The following MGMT variants were observed in gnomAD, a reference collection of about 807,000 sequenced individuals.
MGMT encodes the protein O-6-methylguanine-DNA methyltransferase, also known as methylated-DNA--protein-cysteine methyltransferase.
MGMT carries 14 observed loss-of-function variants against 15.9 expected under a neutral mutation model. The ratio of observed to expected loss-of-function variants is 0.88; its 90% CI spans 0.58 to 1.37. MGMT has a LOEUF of 1.37. Ranked by LOEUF, MGMT falls within the 40% of genes most tolerant of loss-of-function variation. The probability of loss-of-function intolerance (pLI) is 0.00; values close to 1 mark genes in which losing one functional copy is unlikely to be tolerated. For missense variants in MGMT, 282 were observed against 268.1 expected, an observed-to-expected ratio of 1.05 and a Z score of -0.36; for synonymous variants, 130 against 118.2, an observed-to-expected ratio of 1.10 and a Z score of -0.65.
intron 2 of MGMT, among the ~76,000 whole-genome samples, chr10:129,678,015 C>T (rs1340415004): frequency 3.3e-5 from 5 of 152,152 alleles, no homozygotes; most frequent in African/African-American, 1.2e-4. Flanking sequence ...TTGTGAATGC[C>T]GAGTCCACAG....
chr10:129,757,654 TAAC>T (rs1247195352), intron 3 of MGMT, among the ~76,000 whole-genome samples: 1 of 152,192 alleles, frequency 6.6e-6, no homozygotes, highest in African/African-American at 2.4e-5. Context: ...AAGTTAGGCA[TAAC>T]AACAACAGCA....
chr10:129,468,335 C>T (rs147405215), intron 1 of MGMT, among the ~76,000 whole-genome samples: 6 of 152,208 alleles, frequency 3.9e-5, no homozygotes, highest in East Asian at 3.9e-4. Flanking sequence ...AAGGAAACCG[C>T]GTCAAGAGCC....
intron 1 of MGMT, among the ~76,000 whole-genome samples, chr10:129,520,955 ACAGAGCCCCTACGGTGAGGGTG>A (rs71912420): frequency 0.25 from 36,261 of 144,082 alleles, 5,103 homozygotes; most frequent in African/African-American, 0.43. Context: ...AGGTGTGCCT[ACAGAGCCCCTACGGTGAGGGTG>A]CAGAGCCCCT....
At chr10:129,567,512 TG>T (rs1416686421) in intron 2 of MGMT, among the ~76,000 whole-genome samples, 1 of 152,076 alleles carries the variant, frequency 6.6e-6, no homozygotes, top group Admixed American at 6.5e-5. Context: ...GGGATGATCA[TG>T]GGGTTCAGGG....
At chr10:129,667,115 A>G (rs137896614) in intron 2 of MGMT, among the ~76,000 whole-genome samples, 1 of 152,286 alleles carries the variant, frequency 6.6e-6, no homozygotes, top group East Asian at 1.9e-4. Flanking sequence ...ACACAGAGAG[A>G]AGCGCCTGCA....
chr10:129,745,152 C>A (rs1299745375), intron 3 of MGMT, among the ~76,000 whole-genome samples: 1 of 152,136 alleles, frequency 6.6e-6, no homozygotes, highest in South Asian at 2.1e-4. Context: ...ATACTGGTCC[C>A]TAGTGTCTTG....
chr10:129,667,048 T>A (rs1471465452), intron 2 of MGMT, among the ~76,000 whole-genome samples: 1 of 152,210 alleles, frequency 6.6e-6, no homozygotes, highest in Non-Finnish European at 1.5e-5. Flanking sequence ...ATCTTGAGAA[T>A]CAGTTGTTTG....
chr10:129,508,293 G>T (rs1845645558), intron 1 of MGMT, among the ~76,000 whole-genome samples: 1 of 152,168 alleles, frequency 6.6e-6, no homozygotes, highest in Non-Finnish European at 1.5e-5. Flanking sequence ...TACGTGGCAG[G>T]TCCTAGAAGG....
chr10:129,510,091 G>A lies in MGMT; in HGVS notation c.-12-26150G>A, dbSNP rs537732031. Among the ~76,000 whole-genome samples, 8 of 152,322 alleles carry A rather than the reference G, an allele frequency of 5.3e-5. No homozygotes were observed. The East Asian group carries it at 7.7e-4, about 15-fold the overall frequency. ...TGCTGTCCTCTGCCTGACAAGTCCT[G>A]TTCCCTGTCTCCTCGGGAGAACACC... On this transcript the variant is annotated intron_variant, in intron 1 of 4. Coordinates refer to ENST00000651593, the MANE Select transcript of MGMT (RefSeq NM_002412.5).
chr10:129,679,411 A>G (rs1330422603), intron 2 of MGMT, among the ~76,000 whole-genome samples: 1 of 152,134 alleles, frequency 6.6e-6, no homozygotes, highest in Non-Finnish European at 1.5e-5. Flanking sequence ...GTTTCACAAT[A>G]TTACTTGACC....
intron 4 of MGMT, among the ~76,000 whole-genome samples, chr10:129,762,130 G>A (rs1848880767): frequency 6.6e-6 from 1 of 152,206 alleles, no homozygotes; most frequent in African/African-American, 2.4e-5. Flanking sequence ...CTTTGGCGCT[G>A]ACAGCAGTGT....
At chr10:129,583,425 CTT>C (rs1846580382) in intron 2 of MGMT, among the ~76,000 whole-genome samples, 1 of 152,132 alleles carries the variant, frequency 6.6e-6, no homozygotes. Flanking sequence ...AAGGCAAATA[CTT>C]TTCTGTTATT....
At chr10:129,473,132 A>G (rs991730490) in intron 1 of MGMT, among the ~76,000 whole-genome samples, 1 of 152,222 alleles carries the variant, frequency 6.6e-6, no homozygotes, top group Non-Finnish European at 1.5e-5. Flanking sequence ...CGGACACAGG[A>G]TCTGACACGA....
At chr10:129,726,638 T>A (rs533497523) in intron 3 of MGMT, among the ~76,000 whole-genome samples, 26 of 152,352 alleles carry the variant, frequency 1.7e-4, no homozygotes, top group African/African-American at 5.8e-4. Context: ...TTTTAAAGTT[T>A]TAAGTGATGC....
At chr10:129,471,274 A>C (rs1351243140) in intron 1 of MGMT, among the ~76,000 whole-genome samples, 2 of 152,224 alleles carry the variant, frequency 1.3e-5, no homozygotes, top group Non-Finnish European at 2.9e-5. Context: ...TGCCTTATTG[A>C]CGGATCAGGC....
intron 2 of MGMT, among the ~76,000 whole-genome samples, chr10:129,581,138 A>C (rs1846550483): frequency 6.6e-6 from 1 of 152,228 alleles, no homozygotes; most frequent in Admixed American, 6.5e-5. Context: ...GTGCAGCTGC[A>C]GTGTGAGTTG....
intron 3 of MGMT, among the ~76,000 whole-genome samples, chr10:129,741,035 G>A (rs564699631): frequency 2.6e-5 from 4 of 152,118 alleles, no homozygotes; most frequent in Admixed American, 6.6e-5. Context: ...CTTGCACCAC[G>A]TACAGCTTTC....
intron 2 of MGMT, among the ~76,000 whole-genome samples, chr10:129,691,036 A>C (rs1847963745): frequency 6.6e-6 from 1 of 152,232 alleles, no homozygotes; most frequent in African/African-American, 2.4e-5. Context: ...TGGCAACAAA[A>C]GGGAATGGAA....
intron 2 of MGMT, among the ~76,000 whole-genome samples, chr10:129,603,858 A>G (rs1478446929): frequency 6.6e-6 from 1 of 152,220 alleles, no homozygotes; most frequent in Non-Finnish European, 1.5e-5. Flanking sequence ...ATTACTCTGT[A>G]GTTTGCAGAG....
Sources: gnomAD v4.1 joint callset for allele counts (sites outside exome capture counted in the v4.1 genomes callset) on GRCh38, gnomAD v4.1.1 for gene constraint, MANE v1.5 for transcripts, NCBI Gene and HGNC (gene_info 2026-07-23, HGNC 2026-07-21) for gene names.